The following TDRD12 variants were observed in gnomAD, a reference collection of about 807,000 sequenced individuals.
TDRD12 encodes putative ATP-dependent RNA helicase TDRD12.
Under a neutral mutation model 133.5 loss-of-function variants are expected in TDRD12, and 158 were observed. The ratio of observed to expected loss-of-function variants is 1.18; its 90% CI spans 1.04 to 1.35. The LOEUF (loss-of-function observed/expected upper bound fraction) is 1.35, where lower values mean the gene tolerates loss of function less well. Ranked by LOEUF, TDRD12 falls within the 40% of genes most tolerant of loss-of-function variation. TDRD12 has a pLI of 0.00. For missense variants in TDRD12, 1,443 were observed against 1,321.3 expected (o/e 1.09, Z -1.43); for synonymous variants, 460 against 477.9 (o/e 0.96, Z 0.49).
At chr19:32,754,362 G>C (rs1314123073) in intron 6 of TDRD12, among the ~76,000 whole-genome samples, 1 of 152,042 alleles carries the variant, frequency 6.6e-6, no homozygotes, top group Admixed American at 6.6e-5. Flanking sequence ...CTAGCTACTT[G>C]GGAGGCTGAG....
At chr19:32,778,315 G>A (rs1970667143) in intron 11 of TDRD12, among the ~76,000 whole-genome samples, 1 of 152,034 alleles carries the variant, frequency 6.6e-6, no homozygotes, top group Admixed American at 6.6e-5. Context: ...GTTGGGGATG[G>A]CTGTTGATGC....
rs1234368506 is a variant in TDRD12 at position 32,748,456 on chromosome 19, G to C, written c.441-20G>C. The stretch of plus-strand genomic sequence containing the variant: ...CCTCAGATTTTTATGTAATGGAGTT[G>C]CATCTGTTCACTGTTCCAGACCTGC... On this transcript the variant is annotated intron_variant, in intron 4 of 27. Coordinates refer to ENST00000444215, the Ensembl canonical transcript of TDRD12. 6.5e-7 allele frequency: 1 copy of C among 1,549,144 alleles called. No homozygotes were observed. Among genetic ancestry groups the C allele is most frequent in the Admixed American group, 2.0e-5 (1 of 50,358 alleles).
chr19:32,729,117 G>A (rs1177099059), intron 1 of TDRD12, among the ~76,000 whole-genome samples: 1 of 146,468 alleles, frequency 6.8e-6, no homozygotes, highest in Non-Finnish European at 1.5e-5. Context: ...TTTAAGTTCT[G>A]TATTTATAAT....
At chr19:32,815,540 T>C in exon 26 of TDRD12, 22 of 1,536,428 alleles carry the variant, frequency 1.4e-5, no homozygotes, top group Non-Finnish European at 1.8e-5. Context: ...GCATTGATAA[T>C]CCAGAACACA....
At chr19:32,785,516 G>T (rs944450157) in intron 11 of TDRD12, among the ~76,000 whole-genome samples, 6 of 152,134 alleles carry the variant, frequency 3.9e-5, no homozygotes, top group African/African-American at 1.4e-4. Flanking sequence ...GGATATCCTT[G>T]TTAATTTTCT....
Position 32,731,673 on chromosome 19 carries a change from G to A in TDRD12, c.25-52G>A. The A allele has an allele frequency of 5.6e-6, 8 of 1,419,452 alleles. No individual in the cohort carries two copies. In the South Asian group the frequency reaches 1.2e-4, roughly 22 times the overall value. 87.9% of individuals were successfully genotyped at this position (1,419,452 alleles called of 1,614,324 possible). ...TCGTGGCTCTAAAGTTTATTTTGTG[G>A]TACTACTTTTAAATCATACGCTGTT... On this transcript the variant is annotated intron_variant, in intron 1 of 27. Coordinates refer to ENST00000444215, the Ensembl canonical transcript of TDRD12.
chr19:32,793,851 A>G (rs1599594230), intron 13 of TDRD12, among the ~76,000 whole-genome samples: 1 of 141,390 alleles, frequency 7.1e-6, no homozygotes, highest in African/African-American at 2.7e-5. Flanking sequence ...CTGGAGTGCA[A>G]TGGCATGATC....
At chr19:32,734,619 C>T (rs893888954) in intron 2 of TDRD12, among the ~76,000 whole-genome samples, 1 of 152,080 alleles carries the variant, frequency 6.6e-6, no homozygotes, top group African/African-American at 2.4e-5. Context: ...GAGATCTGCC[C>T]GCCTTGGCCT....
intron 6 of TDRD12, among the ~76,000 whole-genome samples, chr19:32,750,556 A>T (rs539732459): frequency 1.3e-5 from 2 of 152,360 alleles, no homozygotes; most frequent in African/African-American, 4.8e-5. Flanking sequence ...TACAGTTTTT[A>T]AAACCAGAAA....
At chr19:32,801,206 A>G (rs1487648124) in intron 18 of TDRD12, among the ~76,000 whole-genome samples, 1 of 151,626 alleles carries the variant, frequency 6.6e-6, no homozygotes, top group African/African-American at 2.4e-5. Context: ...TCTCTACGAA[A>G]AAAAAAAAAA....
downstream of TDRD12, among the ~76,000 whole-genome samples, chr19:32,821,905 C>T (rs1348375890): frequency 6.6e-6 from 1 of 152,164 alleles, no homozygotes; most frequent in African/African-American, 2.4e-5. Flanking sequence ...ATTGCACGGA[C>T]TTAGCAGACA....
intron 6 of TDRD12, among the ~76,000 whole-genome samples, chr19:32,750,379 G>A (rs1167287512): frequency 6.6e-6 from 1 of 152,126 alleles, no homozygotes; most frequent in African/African-American, 2.4e-5. Context: ...GGACAGAAGG[G>A]GCACACATCC....
At chr19:32,762,047 G>T (rs779856493) in intron 8 of TDRD12, among the ~76,000 whole-genome samples, 1 of 147,914 alleles carries the variant, frequency 6.8e-6, no homozygotes, top group Admixed American at 6.8e-5. Flanking sequence ...TGTCCTCTTA[G>T]TGTTGAGTTT....
chr19:32,822,738 C>T (rs1967444552), downstream of TDRD12, among the ~76,000 whole-genome samples: 1 of 112,596 alleles, frequency 8.9e-6, no homozygotes. Flanking sequence ...CAGAGCGAGA[C>T]TCCATCTCAA....
At chr19:32,797,693 T>C in intron 14 of TDRD12, 42 bp from the exon 15 acceptor site, 1 of 612,124 alleles carries the variant, frequency 1.6e-6, no homozygotes, top group Non-Finnish European at 2.9e-6. Context: ...GCTGAATTCC[T>C]AACTACTGTC....
At chr19:32,774,575 C>T (rs759597041) in intron 10 of TDRD12, among the ~76,000 whole-genome samples, 1 of 152,104 alleles carries the variant, frequency 6.6e-6, no homozygotes, top group Non-Finnish European at 1.5e-5. Flanking sequence ...ACTGTCTTCT[C>T]TCTTGCATTG....
At chr19:32,823,274 C>T (rs77785885), downstream of TDRD12, among the ~76,000 whole-genome samples, 6,061 of 152,272 alleles carry the variant, frequency 0.04, 186 homozygotes, top group Non-Finnish European at 0.059. Flanking sequence ...GCTCCTGTGA[C>T]GAAGGCAGCC....
At chr19:32,752,228 G>A (rs1969851603) in intron 6 of TDRD12, among the ~76,000 whole-genome samples, 1 of 151,676 alleles carries the variant, frequency 6.6e-6, no homozygotes, top group East Asian at 1.9e-4. Context: ...TGCCCAGGCT[G>A]GATCTCAATG....
exon 23 of TDRD12, chr19:32,810,135 C>T (rs972802116): frequency 9.1e-6 from 14 of 1,530,614 alleles, no homozygotes; most frequent in South Asian, 4.8e-5. Flanking sequence ...TTACTTTGGC[C>T]GTATAGTTGA....
Sources: allele counts gnomAD v4.1 joint callset (sites outside exome capture counted in the v4.1 genomes callset), GRCh38; gene constraint gnomAD v4.1.1; transcripts MANE v1.5; gene names NCBI Gene and HGNC (gene_info 2026-07-23, HGNC 2026-07-21).